The following ZMIZ2 variants were observed in gnomAD, a reference collection of about 807,000 sequenced individuals.
The protein encoded by ZMIZ2 is zinc finger MIZ-type containing 2.
A neutral mutation model predicts 93.9 loss-of-function variants in ZMIZ2; 26 were observed. The ratio of observed to expected loss-of-function variants is 0.28; its 90% confidence interval spans 0.20 to 0.38. The LOEUF (loss-of-function observed/expected upper bound fraction) is 0.38. Ranked by LOEUF, ZMIZ2 falls within the 10% of genes least tolerant of loss-of-function variation. The pLI is 1.00. For missense variants in ZMIZ2, 1,023 were observed against 1,235.0 expected (o/e 0.83, Z 2.57); for synonymous variants, 485 against 516.4 (o/e 0.94, Z 0.82).
chr7:44,755,722 C>A (rs997780145), intron 1 of ZMIZ2, among the ~76,000 whole-genome samples: 1 of 152,180 alleles, frequency 6.6e-6, no homozygotes, highest in African/African-American at 2.4e-5. Context: ...GTAGACAAGA[C>A]CTTTAGCAGG....
Position 44,757,459 on chromosome 7 carries a change from T to G in ZMIZ2, c.450T>G (p.Ala150=), listed in dbSNP as rs759278580. 31 of 1,607,232 alleles carry G rather than the reference T, an allele frequency of 1.9e-5. No homozygotes were observed. In the Admixed American group the frequency reaches 3.5e-4, roughly 18 times the overall value. ...CTGACTTCACGCAAGCGGCAGCTGC[T>G]GCAGCTGTGGCTGCTGCGGCAGCCA... is the stretch of plus-strand genomic sequence containing the variant. The part of the protein sequence containing the change: ...PSTDFTQAAA[A]AAVAAAAATA... The change falls in exon 5 of 19, where the codon GCT becomes GCG. Residue 150 remains alanine, a synonymous_variant. Coordinates refer to ENST00000309315, the MANE Select transcript of ZMIZ2 (RefSeq NM_031449.4).
chr7:44,751,402 T>A (rs545978049), intron 1 of ZMIZ2, among the ~76,000 whole-genome samples: 9 of 152,334 alleles, frequency 5.9e-5, no homozygotes, highest in Non-Finnish European at 1.3e-4. Flanking sequence ...CTGGTTTTGA[T>A]GTGCTGCAGT....
At position 44,765,316 on chromosome 7, in the gene ZMIZ2, C is replaced by G; in HGVS notation, c.1998-19C>G. ...GCAGCAGGCCAGGAGGTAACCATTC[C>G]CCACCTGTCCCTGCCCAGCTCTGAC... On this transcript the variant is annotated intron_variant, in intron 15 of 18. Coordinates refer to ENST00000309315, the MANE Select transcript of ZMIZ2 (RefSeq NM_031449.4). This position sits in a 1 kb window ranked among gnomAD's most constrained non-coding sequence, Gnocchi z 4.1. 6.2e-7 allele frequency: 1 copy of G among 1,610,328 alleles called. No homozygotes were observed. The highest frequency in any genetic ancestry group is 8.5e-7 in the Non-Finnish European group (1 of 1,178,122).
At chr7:44,759,526 G>A in intron 7 of ZMIZ2, 66 bp downstream of exon 7, 1 of 1,327,644 alleles carries the variant, frequency 7.5e-7, no homozygotes, top group Non-Finnish European at 9.7e-7. Flanking sequence ...AGGGGACCTT[G>A]GGGCAGTCCT....
At chr7:44,749,877 A>T (rs1383598241) in intron 1 of ZMIZ2, 1 of 152,200 alleles carries the variant, frequency 6.6e-6, no homozygotes, top group Non-Finnish European at 1.5e-5. Context: ...TACGGATAGG[A>T]TGGACACAGA....
At chr7:44,753,723 G>A (rs1162971445) in intron 1 of ZMIZ2, among the ~76,000 whole-genome samples, 1 of 152,074 alleles carries the variant, frequency 6.6e-6, no homozygotes, top group African/African-American at 2.4e-5. Flanking sequence ...CATGCCTTTG[G>A]TATCAGGTCT....
chr7:44,758,530 CTT>C (rs1206557005), intron 6 of ZMIZ2, among the ~76,000 whole-genome samples: 1 of 150,798 alleles, frequency 6.6e-6, no homozygotes, highest in African/African-American at 2.4e-5. Context: ...AATCCCAACA[CTT>C]TGGGAGGCTG....
Position 44,766,404 on chromosome 7 carries a change from C to A in ZMIZ2, c.2413-17C>A, listed in dbSNP as rs750147086. On this transcript the variant is annotated splice_polypyrimidine_tract_variant and intron_variant, in intron 17 of 18. Coordinates refer to ENST00000309315, the MANE Select transcript of ZMIZ2 (RefSeq NM_031449.4). This position sits in a 1 kb window ranked among gnomAD's most constrained non-coding sequence, Gnocchi z 4.4. ...AGCCCCTGAGCTGTTTTAACAAATT[C>A]TTCTCTCTGTCTTCAGATGGCACCA... is the stretch of plus-strand genomic sequence containing the variant. 2.5e-6 allele frequency: 4 copies of A among 1,613,728 alleles called. No individual in the cohort carries two copies. Among genetic ancestry groups the A allele is most frequent in the Non-Finnish European group, 3.4e-6 (4 of 1,179,778 alleles).
In ZMIZ2 at chr7:44,761,821, G is replaced by T; in HGVS notation, c.1512G>T (p.Lys504Asn). The change falls in exon 11 of 19, where the codon AAG (lysine) becomes AAT (asparagine). Residue 504 changes from lysine (K) to asparagine (N), a missense_variant. Lys to Asn is a moderately conservative substitution (Grantham distance 94, BLOSUM62 0). Coordinates refer to ENST00000309315, the MANE Select transcript of ZMIZ2 (RefSeq NM_031449.4). The surrounding 1 kb of genome is among the most constrained non-coding windows in gnomAD (Gnocchi z 5.8). ...TPLTIERGDN[K>N]TSHKPLYLKH... ...TCACCATCGAGCGTGGCGACAACAA[G>T]ACCTCGCACAAGCCACTCTACCTGA... 6.2e-7 allele frequency: 1 copy of T among 1,613,656 alleles called. No homozygotes were observed.
Position 44,756,224 on chromosome 7 carries a change from C to G in ZMIZ2, c.-26C>G, listed in dbSNP as rs1790574950. ...GAGTTCCAGATAAAAACTGTCAGAC[C>G]CGGCCTGTAGGCTGCTCCATTGCCA... On this transcript the variant is annotated 5_prime_UTR_variant, in exon 2 of 19. Coordinates refer to ENST00000309315, the MANE Select transcript of ZMIZ2 (RefSeq NM_031449.4). 1 of 1,613,868 alleles carries G rather than the reference C, an allele frequency of 6.2e-7. No individual in the cohort carries two copies. Among genetic ancestry groups the G allele is most frequent in the Admixed American group, 1.7e-5 (1 of 60,008 alleles).
intron 8 of ZMIZ2, 63 bp downstream of exon 8, chr7:44,760,291 C>T (rs1583637197): frequency 1.7e-5 from 26 of 1,569,646 alleles, no homozygotes; most frequent in East Asian, 1.4e-4. Flanking sequence ...GGAGAGAGGG[C>T]GACCGGGCAG....
Position 44,757,167 on chromosome 7 carries a change from C to A in ZMIZ2, c.368+18C>A, listed in dbSNP as rs1790672369. The A allele has an allele frequency of 4.4e-6, 7 of 1,588,152 alleles. No homozygotes were observed. Among genetic ancestry groups the A allele is most frequent in the Non-Finnish European group, 6.0e-6 (7 of 1,173,522 alleles). On this transcript the variant is annotated intron_variant, in intron 4 of 18. Transcript: ENST00000309315. ...ACCACCGGGTAAGCAAGTTCCCTCACCTGGCAGGTATGCTAGGAGCCATCA... is the reference window on the plus strand; with the variant it reads ...ACCACCGGGTAAGCAAGTTCCCTCAACTGGCAGGTATGCTAGGAGCCATCA...
At chr7:44,764,638 G>C (rs1055599811) in intron 14 of ZMIZ2, 152 bp downstream of exon 14, 29 of 878,548 alleles carry the variant, frequency 3.3e-5, no homozygotes, top group Non-Finnish European at 4.6e-5. Context: ...CAGAGAGCTC[G>C]TATAGGGTGG....
At chr7:44,759,760 A>C in intron 7 of ZMIZ2, 1 of 454,822 alleles carries the variant, frequency 2.2e-6, no homozygotes, top group South Asian at 3.3e-5. Context: ...GGTACCCAAA[A>C]CATTTGAATG....
chr7:44,757,632 C>T lies in ZMIZ2; in HGVS notation c.552+71C>T, dbSNP rs1790724792. On this transcript the variant is annotated intron_variant, in intron 5 of 18. Coordinates refer to ENST00000309315, the MANE Select transcript of ZMIZ2 (RefSeq NM_031449.4). ...GCCTGGGAGGAGGTACTCAGCCAGA[C>T]AGTGGGCTCCAGGGACAAGCATGGA... 2.7e-6 allele frequency: 4 copies of T among 1,502,222 alleles called. No homozygotes were observed. In the African/African-American group the frequency reaches 4.2e-5, roughly 16 times the overall value. The allele number at this position is 1,502,222 out of a possible 1,614,324, so 93.1% of individuals were successfully genotyped here. A position where few individuals can be genotyped will look rare whatever the true frequency, so the allele number is the denominator to read the frequency against.
intron 7 of ZMIZ2, 36 bp downstream of exon 7, chr7:44,759,496 C>A: frequency 7.1e-7 from 1 of 1,401,460 alleles, no homozygotes; most frequent in Non-Finnish European, 9.3e-7. Context: ...TGCCGGGCTC[C>A]GTGCTGAGTG....
chr7:44,767,498 A>G lies in ZMIZ2; in HGVS notation c.2656-18A>G. 1 of 1,606,410 alleles carries G rather than the reference A, an allele frequency of 6.2e-7. No individual in the cohort carries two copies. Among genetic ancestry groups the G allele is most frequent in the African/African-American group, 1.3e-5 (1 of 74,842 alleles). Reference sequence around the variant, plus strand: ...AGTCAGTGACCAAAGCTGCTAACAGAGTTCACTTTGTCCTCAGCTGCTCCC... The same window carrying G: ...AGTCAGTGACCAAAGCTGCTAACAGGGTTCACTTTGTCCTCAGCTGCTCCC... On this transcript the variant is annotated intron_variant, in intron 18 of 18. Coordinates refer to ENST00000309315, the MANE Select transcript of ZMIZ2 (RefSeq NM_031449.4).
At position 44,756,306 on chromosome 7, in the gene ZMIZ2, G is replaced by A; in HGVS notation, c.50+7G>A. On this transcript the variant is annotated splice_region_variant and intron_variant, in intron 2 of 18. Transcript: ENST00000309315. ...TGCCCCCTGCGCCACACGGGTGAGTGTGGGCTCCTCTGCCCACCCCTCAGG... is the reference window on the plus strand; with the variant it reads ...TGCCCCCTGCGCCACACGGGTGAGTATGGGCTCCTCTGCCCACCCCTCAGG... 6.2e-7 allele frequency: 1 copy of A among 1,613,990 alleles called. No homozygotes were observed. Among genetic ancestry groups the A allele is most frequent in the Non-Finnish European group, 8.5e-7 (1 of 1,180,006 alleles).
chr7:44,766,340 G>A lies in ZMIZ2; in HGVS notation c.2412+7G>A, dbSNP rs1394344003. The A allele has an allele frequency of 6.2e-7, 1 of 1,600,934 alleles. No homozygotes were observed. The highest frequency in any genetic ancestry group is 8.5e-7 in the Non-Finnish European group (1 of 1,172,652). On this transcript the variant is annotated splice_region_variant and intron_variant, in intron 17 of 18. Transcript: ENST00000309315. The surrounding 1 kb of genome is among the most constrained non-coding windows in gnomAD (Gnocchi z 4.4). ...CGCCTGCCTCCCAAGCCAGGTCAGT[G>A]CCAAGCCGAGAGGCCAAGGGGCCCT...
Sources: allele counts gnomAD v4.1 joint callset (sites outside exome capture counted in the v4.1 genomes callset), GRCh38; gene constraint gnomAD v4.1.1; non-coding constraint Gnocchi (gnomAD v3.1); transcripts MANE v1.5; gene names NCBI Gene and HGNC (gene_info 2026-07-23, HGNC 2026-07-21).